Variants in SCD5 observed in about 807,000 individuals in gnomAD.
The protein encoded by SCD5 is stearoyl-CoA desaturase 5, also known as acyl-CoA-desaturase 4.
Under a neutral mutation model 30.4 loss-of-function variants are expected in SCD5, and 20 were observed. The observed-to-expected ratio is 0.66, with a 90% CI of 0.46 to 0.96. The LOEUF (loss-of-function observed/expected upper bound fraction) is 0.96. Ranked by LOEUF, SCD5 falls within the 40% of genes least tolerant of loss-of-function variation. The pLI is 0.00. For synonymous variants in SCD5, 173 were observed against 176.4 expected (o/e 0.98, Z 0.16); for missense variants, 381 against 443.3 (o/e 0.86, Z 1.26).
chr4:82,753,111 G>A (rs1721141443), intron 1 of SCD5, among the ~76,000 whole-genome samples: 1 of 152,040 alleles, frequency 6.6e-6, no homozygotes, highest in Non-Finnish European at 1.5e-5. Flanking sequence ...AAAACCACAG[G>A]ACTGGAGTCT....
chr4:82,635,566 A>G (rs550608791), intron 4 of SCD5, among the ~76,000 whole-genome samples: 39 of 146,788 alleles, frequency 2.7e-4, no homozygotes, highest in South Asian at 6.6e-4. Flanking sequence ...GCTTGCAGTG[A>G]GCCAAGATCA....
chr4:82,763,125 C>T (rs1241782692), intron 1 of SCD5, among the ~76,000 whole-genome samples: 1 of 152,212 alleles, frequency 6.6e-6, no homozygotes, highest in Non-Finnish European at 1.5e-5. Context: ...CTGTTGTGGG[C>T]TGAACCGTGT....
intron 1 of SCD5, among the ~76,000 whole-genome samples, chr4:82,794,194 C>G (rs771763136): frequency 2.0e-5 from 3 of 152,154 alleles, no homozygotes; most frequent in Non-Finnish European, 4.4e-5. Flanking sequence ...CAGCAGGGCA[C>G]CAGAGAACGC....
At chr4:82,758,762 G>A (rs191854430) in intron 1 of SCD5, among the ~76,000 whole-genome samples, 15 of 152,218 alleles carry the variant, frequency 9.9e-5, no homozygotes, top group East Asian at 1.9e-4. Flanking sequence ...GTGTTCAGCT[G>A]GACACTGTAA....
chr4:82,631,418 A>G lies in SCD5; in HGVS notation c.902T>C (p.Met301Thr). The change falls in exon 5 of 5, where the codon ATG (methionine) becomes ACG (threonine). Residue 301 changes from methionine (M) to threonine (T), a missense_variant. Coordinates refer to ENST00000319540, the MANE Select transcript of SCD5 (RefSeq NM_001037582.3). ...FNPTTWFIDFMCWLGLATDRK... is the reference protein window; with the variant it reads ...FNPTTWFIDFTCWLGLATDRK... Reference sequence around the variant, plus strand: ...GTCAGTGGCCAGCCCCAGCCAGCACATGAAATCAATGAACCAGGTGGTTGG... The same window carrying G: ...GTCAGTGGCCAGCCCCAGCCAGCACGTGAAATCAATGAACCAGGTGGTTGG... 6.2e-7 allele frequency: 1 copy of G among 1,614,172 alleles called. No individual in the cohort carries two copies.
At chr4:82,678,834 T>G (rs1728490236) in intron 3 of SCD5, among the ~76,000 whole-genome samples, 2 of 152,230 alleles carry the variant, frequency 1.3e-5, no homozygotes, top group South Asian at 4.1e-4. Context: ...TTTTCATCTT[T>G]TTCTCTAATG....
In SCD5 at chr4:82,705,397, G is replaced by A; in HGVS notation, c.249C>T (p.Leu83=). 13 of 1,614,240 alleles carry A rather than the reference G, an allele frequency of 8.1e-6. No individual in the cohort carries two copies. Among genetic ancestry groups the A allele is most frequent in the East Asian group, 2.2e-5 (1 of 44,886 alleles). The change falls in exon 2 of 5, where the codon CTC becomes CTT. Residue 83 remains leucine, a synonymous_variant. Coordinates refer to ENST00000319540, the MANE Select transcript of SCD5 (RefSeq NM_001037582.3). ...LTLLWAYFCF[L]LAALGVTAGA... is the part of the protein sequence containing the mutation. ...CAGCTGTCACACCCAGAGCGGCCAG[G>A]AGGAAGCAGAAGTAGGCTGCAAGAC... is the stretch of plus-strand genomic sequence containing the variant.
chr4:82,748,414 G>A (rs1024609120), intron 1 of SCD5, among the ~76,000 whole-genome samples: 20 of 152,256 alleles, frequency 1.3e-4, no homozygotes, highest in African/African-American at 4.1e-4. Context: ...GGATGAGGAC[G>A]TCACATTCAG....
intron 1 of SCD5, among the ~76,000 whole-genome samples, chr4:82,738,563 A>G (rs984405637): frequency 3.9e-5 from 6 of 152,126 alleles, no homozygotes; most frequent in Non-Finnish European, 8.8e-5. Flanking sequence ...CTTAGACTAA[A>G]AGCCACTCAC....
chr4:82,752,273 T>TTATATATATATATA (rs139910934), intron 1 of SCD5, among the ~76,000 whole-genome samples: 40 of 145,652 alleles, frequency 2.7e-4, no homozygotes, highest in African/African-American at 9.3e-4. Context: ...TTTTAAAAAA[T>TTATATATATATATA]TATATATATA....
At chr4:82,756,171 A>G (rs1721229541) in intron 1 of SCD5, among the ~76,000 whole-genome samples, 1 of 152,178 alleles carries the variant, frequency 6.6e-6, no homozygotes, top group South Asian at 2.1e-4. Flanking sequence ...ACTCCCTTCT[A>G]GAATCATCAG....
chr4:82,688,272 GTGCA>G (rs945903197), intron 2 of SCD5, among the ~76,000 whole-genome samples: 12 of 152,138 alleles, frequency 7.9e-5, no homozygotes, highest in African/African-American at 2.9e-4. Flanking sequence ...AAATATGCGT[GTGCA>G]TGCATGCATG....
intron 1 of SCD5, among the ~76,000 whole-genome samples, chr4:82,787,399 T>C (rs1282758414): frequency 6.6e-6 from 1 of 151,982 alleles, no homozygotes; most frequent in African/African-American, 2.4e-5. Context: ...ACCGCTCTAC[T>C]GGGAAGAGCA....
intron 3 of SCD5, among the ~76,000 whole-genome samples, chr4:82,666,410 G>A (rs1728189700): frequency 1.3e-5 from 2 of 152,096 alleles, no homozygotes; most frequent in South Asian, 4.1e-4. Flanking sequence ...CACCTACTCG[G>A]GAGGCTGAGG....
intron 4 of SCD5, among the ~76,000 whole-genome samples, chr4:82,634,924 G>A (rs992530072): frequency 6.6e-6 from 1 of 152,244 alleles, no homozygotes; most frequent in Non-Finnish European, 1.5e-5. Flanking sequence ...TGCTTATGCA[G>A]TTATTCCCTG....
chr4:82,721,197 A>C (rs1720363463), intron 1 of SCD5, among the ~76,000 whole-genome samples: 1 of 151,876 alleles, frequency 6.6e-6, no homozygotes, highest in African/African-American at 2.4e-5. Flanking sequence ...AACAAACAAA[A>C]AACCTCAAAG....
At position 82,761,320 on chromosome 4, in the gene SCD5, T is replaced by G. The variant is rs189695717; in HGVS notation, c.232+36986A>C. Among the ~76,000 whole-genome samples the G allele has an allele frequency of 5.3e-5, 8 of 152,320 alleles. No homozygotes were observed. In the East Asian group the frequency reaches 1.2e-3, roughly 22 times the overall value. ...GCTAACCCAAATCTTGTCTTCTCCC[T>G]TCTAAGCTTAGTCCAATATGTTCTG... is the stretch of plus-strand genomic sequence containing the variant. On this transcript the variant is annotated intron_variant, in intron 1 of 4. Transcript: ENST00000319540.
chr4:82,764,730 C>CTTTTT (rs34219216), intron 1 of SCD5, among the ~76,000 whole-genome samples: 11 of 143,226 alleles, frequency 7.7e-5, no homozygotes, highest in African/African-American at 2.8e-4. Context: ...TCTTTTCTTT[C>CTTTTT]TTTTTTTTTT....
intron 1 of SCD5, among the ~76,000 whole-genome samples, chr4:82,707,325 T>C (rs369465897): frequency 6.6e-6 from 1 of 152,182 alleles, no homozygotes; most frequent in African/African-American, 2.4e-5. Flanking sequence ...ACAAGAGTCA[T>C]TGATTCTGGT....
Sources: gnomAD v4.1 joint callset for allele counts (sites outside exome capture counted in the v4.1 genomes callset) on GRCh38, gnomAD v4.1.1 for gene constraint, MANE v1.5 for transcripts, NCBI Gene and HGNC (gene_info 2026-07-23, HGNC 2026-07-21) for gene names.